Variants in IL1RAPL2 observed in about 807,000 individuals in gnomAD.
The protein encoded by IL1RAPL2 is X-linked interleukin-1 receptor accessory protein-like 2.
IL1RAPL2 carries 3 observed loss-of-function variants against 44.1 expected under a neutral mutation model. That is an observed-to-expected ratio of 0.07 (90% CI 0.03 to 0.18). IL1RAPL2 has a LOEUF of 0.18. Ranked by LOEUF, IL1RAPL2 falls within the 10% of genes least tolerant of loss-of-function variation. The pLI, the probability that IL1RAPL2 is intolerant of heterozygous loss-of-function variation, is 1.00. For synonymous variants in IL1RAPL2, 181 were observed against 178.8 expected, an observed-to-expected ratio of 1.01 and a Z score of -0.10; for missense variants, 391 against 496.4, an observed-to-expected ratio of 0.79 and a Z score of 2.02.
At chrX:105,640,695 C>G (rs1379978748) in intron 6 of IL1RAPL2, among the ~76,000 whole-genome samples, 2 of 87,870 alleles carry the variant, frequency 2.3e-5, no homozygotes, top group South Asian at 1.2e-3. Flanking sequence ...TATATATACA[C>G]ACACATATAC....
intron 2 of IL1RAPL2, among the ~76,000 whole-genome samples, chrX:105,033,615 C>T (rs1361322792): frequency 8.9e-6 from 1 of 111,850 alleles, no homozygotes; most frequent in Non-Finnish European, 1.9e-5. Context: ...ATTGGCTTCC[C>T]TTTGTGTGTA....
chrX:104,579,421 A>G lies in IL1RAPL2; in HGVS notation c.-20+12370A>G, dbSNP rs1252778869. ...ATGGAATACTATGCAGCCATAAAAA[A>G]GAATGAAATCATGTCCTTTGCACCA... On this transcript the variant is annotated intron_variant, in intron 1 of 10. Coordinates refer to ENST00000372582, the MANE Select transcript of IL1RAPL2 (RefSeq NM_017416.2). Among the ~76,000 whole-genome samples, 28 of 112,433 alleles carry G rather than the reference A, an allele frequency of 2.5e-4. 1 individual carries two copies. The highest frequency in any genetic ancestry group is 7.5e-5 in the Non-Finnish European group (4 of 53,325).
intron 2 of IL1RAPL2, among the ~76,000 whole-genome samples, chrX:104,787,466 G>A (rs1932805179): frequency 8.9e-6 from 1 of 111,765 alleles, no homozygotes. Flanking sequence ...CCAAGGCATA[G>A]TTGAAATGAT....
At chrX:104,834,696 A>G (rs1271332684) in intron 2 of IL1RAPL2, among the ~76,000 whole-genome samples, 1 of 111,801 alleles carries the variant, frequency 8.9e-6, no homozygotes, top group East Asian at 2.8e-4. Flanking sequence ...ATTGATTTCC[A>G]TTTTGCTCTT....
chrX:105,352,041 G>C lies in IL1RAPL2; in HGVS notation c.697+84500G>C, dbSNP rs756326410. On this transcript the variant is annotated intron_variant, in intron 5 of 10. Transcript: ENST00000372582. ...CAGCTCACTGCAACCTTCTTCCTCA[G>C]CCTCCCAAGTCACTTGGACTACAGG... 4.2e-3 allele frequency among the ~76,000 whole-genome samples: 462 copies of C among 111,007 alleles called. 2 individuals are homozygous for C. Among genetic ancestry groups the C allele is most frequent in the African/African-American group, 0.014 (423 of 30,523 alleles).
chrX:104,955,714 C>T (rs745796365), intron 2 of IL1RAPL2, among the ~76,000 whole-genome samples: 63 of 110,292 alleles, frequency 5.7e-4, no homozygotes, highest in Non-Finnish European at 8.5e-4. Context: ...AGTACAATGT[C>T]TTCATCCTTC....
At chrX:104,842,285 C>T (rs762154979) in intron 2 of IL1RAPL2, among the ~76,000 whole-genome samples, 3 of 110,054 alleles carry the variant, frequency 2.7e-5, no homozygotes, top group African/African-American at 9.9e-5. Flanking sequence ...GTTAGTAGTT[C>T]CTATCACTTT....
At chrX:104,623,147 T>C (rs1929431974) in intron 1 of IL1RAPL2, among the ~76,000 whole-genome samples, 1 of 111,576 alleles carries the variant, frequency 9.0e-6, no homozygotes, top group Admixed American at 9.6e-5. Context: ...AATCTATTGA[T>C]GGTATTTTAC....
intron 6 of IL1RAPL2, among the ~76,000 whole-genome samples, chrX:105,501,418 G>A (rs1408128142): frequency 9.0e-6 from 1 of 110,983 alleles, no homozygotes; most frequent in Non-Finnish European, 1.9e-5. Context: ...GTGGCCAGGT[G>A]TTTACGACCA....
chrX:105,320,226 T>C (rs1374181267), intron 5 of IL1RAPL2, among the ~76,000 whole-genome samples: 1 of 111,774 alleles, frequency 8.9e-6, no homozygotes, highest in Non-Finnish European at 1.9e-5. Context: ...ACTCTTACAT[T>C]GAACTGACAT....
intron 6 of IL1RAPL2, among the ~76,000 whole-genome samples, chrX:105,524,506 A>G (rs907142476): frequency 9.1e-6 from 1 of 109,623 alleles, no homozygotes; most frequent in Non-Finnish European, 1.9e-5. Flanking sequence ...TACTTAAAAC[A>G]CATCATTTTC....
chrX:104,648,907 A>T (rs1028002324), intron 1 of IL1RAPL2, among the ~76,000 whole-genome samples: 3 of 111,422 alleles, frequency 2.7e-5, no homozygotes, highest in Non-Finnish European at 3.8e-5. Context: ...ATAGTTACTT[A>T]TGCCAGTTTT....
intron 2 of IL1RAPL2, among the ~76,000 whole-genome samples, chrX:104,830,571 C>G (rs1185753688): frequency 9.0e-6 from 1 of 111,388 alleles, no homozygotes; most frequent in Non-Finnish European, 1.9e-5. Flanking sequence ...ATAACTTTCC[C>G]CAGGAAAATT....
intron 6 of IL1RAPL2, among the ~76,000 whole-genome samples, chrX:105,512,106 A>G (rs760191175): frequency 9.0e-6 from 1 of 111,335 alleles, no homozygotes; most frequent in South Asian, 3.8e-4. Context: ...ACCCAGAAAT[A>G]TGGCATTTCT....
At chrX:104,909,619 G>C (rs1282960343) in intron 2 of IL1RAPL2, among the ~76,000 whole-genome samples, 2 of 111,868 alleles carry the variant, frequency 1.8e-5, no homozygotes, top group Non-Finnish European at 3.8e-5. Context: ...AGGTGTCAGT[G>C]TGCTCCTGTT....
chrX:105,474,500 G>A (rs5962533), intron 5 of IL1RAPL2, among the ~76,000 whole-genome samples: 3,232 of 111,636 alleles, frequency 0.029, 120 homozygotes, highest in African/African-American at 0.1. Flanking sequence ...TTATACCTCC[G>A]TTTCTTCTAC....
chrX:104,695,849 C>A (rs1931173008), intron 2 of IL1RAPL2, among the ~76,000 whole-genome samples: 1 of 110,877 alleles, frequency 9.0e-6, no homozygotes, highest in Non-Finnish European at 1.9e-5. Flanking sequence ...ACTCTGTCAC[C>A]CAAGCTGGAG....
rs1022261760 is a variant in IL1RAPL2 at position 105,420,635 on chromosome X, T to C, written c.698-63678T>C. On this transcript the variant is annotated intron_variant, in intron 5 of 10. Transcript: ENST00000372582. ...TGATGAAACAAAATATCCACAGGTT[T>C]ATGTCCCTCAATTAGTAGCTATGCT... Among the ~76,000 whole-genome samples, 30 of 112,226 alleles carry C rather than the reference T, an allele frequency of 2.7e-4. 1 individual carries two copies. Among genetic ancestry groups the C allele is most frequent in the Admixed American group, 2.6e-3 (27 of 10,584 alleles).
chrX:105,495,776 A>C (rs1019788864), intron 6 of IL1RAPL2, among the ~76,000 whole-genome samples: 1 of 110,454 alleles, frequency 9.1e-6, no homozygotes, highest in Non-Finnish European at 1.9e-5. Context: ...ACAATTTGAA[A>C]ACTGCTGTAA....
Sources: allele counts gnomAD v4.1 joint callset (sites outside exome capture counted in the v4.1 genomes callset), GRCh38; gene constraint gnomAD v4.1.1; transcripts MANE v1.5; gene names NCBI Gene and HGNC (gene_info 2026-07-23, HGNC 2026-07-21).